The following CSMD3 variants were observed in gnomAD, a reference collection of about 807,000 sequenced individuals.
CSMD3 encodes CUB and Sushi multiple domains 3.
CSMD3 carries 177 observed loss-of-function variants against 435.2 expected under a neutral mutation model. The observed-to-expected ratio is 0.41, with a 90% confidence interval of 0.36 to 0.46. CSMD3 has a LOEUF of 0.46. Among genes scored for constraint, CSMD3 ranks in the 20% least tolerant of loss-of-function variants. CSMD3 has a pLI of 0.34. For synonymous variants in CSMD3, 1,656 were observed against 1,520.5 expected, an observed-to-expected ratio of 1.09 and a Z score of -2.07; for missense variants, 4,265 against 4,504.6, an observed-to-expected ratio of 0.95 and a Z score of 1.52.
At chr8:113,399,106 T>TATATATATATATATATATATACAC (rs773585004) in intron 1 of CSMD3, among the ~76,000 whole-genome samples, 2 of 95,096 alleles carry the variant, frequency 2.1e-5, no homozygotes, top group African/African-American at 4.5e-5. Flanking sequence ...TATATATATA[T>TATATATATATATATATATATACAC]ACACACACAC....
Position 112,494,568 on chromosome 8 carries a change from TTTC to T in CSMD3, c.5084-1888_5084-1886del, listed in dbSNP as rs1194643573. ...CTTTCTTTCTTTCTTTCTTTCTTTC[TTTC>T]TTTTCTTTCTTTCTCTCTACAAGTA... On this transcript the variant is annotated intron_variant, in intron 30 of 70. Coordinates refer to ENST00000297405, the MANE Select transcript of CSMD3 (RefSeq NM_198123.2). 1.5e-3 allele frequency among the ~76,000 whole-genome samples: 214 copies of T among 142,074 alleles called. 6 individuals carry two copies. Among genetic ancestry groups the T allele is most frequent in the African/African-American group, 5.3e-3 (200 of 37,788 alleles). The allele number at this position is 142,074 out of a possible 152,430, so 93.2% of individuals were successfully genotyped here.
chr8:112,880,866 G>A (rs1363335445), intron 10 of CSMD3, among the ~76,000 whole-genome samples: 2 of 151,932 alleles, frequency 1.3e-5, no homozygotes, highest in Non-Finnish European at 2.9e-5. Context: ...CTATATGCAA[G>A]ACTACAGGAA....
intron 28 of CSMD3, among the ~76,000 whole-genome samples, chr8:112,510,512 C>T (rs1440148045): frequency 6.6e-6 from 1 of 152,196 alleles, no homozygotes; most frequent in Non-Finnish European, 1.5e-5. Flanking sequence ...TTAGATTCAT[C>T]ACTGCCTCCA....
intron 32 of CSMD3, among the ~76,000 whole-genome samples, chr8:112,445,877 A>C (rs1390480346): frequency 7.2e-5 from 11 of 152,210 alleles, no homozygotes; most frequent in African/African-American, 2.4e-4. Flanking sequence ...TATACCACAA[A>C]AATGCACTTA....
At chr8:113,421,840 T>C (rs1428202553) in intron 1 of CSMD3, among the ~76,000 whole-genome samples, 1 of 152,170 alleles carries the variant, frequency 6.6e-6, no homozygotes, top group African/African-American at 2.4e-5. Context: ...CATGGAAAGA[T>C]TAACCACTAA....
chr8:112,574,769 G>A (rs138088401), intron 23 of CSMD3, among the ~76,000 whole-genome samples: 1,537 of 151,966 alleles, frequency 0.01, 15 homozygotes, highest in Non-Finnish European at 0.017. Context: ...TTTGTTTCAT[G>A]GAGTTTCATG....
chr8:112,442,324 G>A (rs563089661), intron 32 of CSMD3, among the ~76,000 whole-genome samples: 1 of 152,222 alleles, frequency 6.6e-6, no homozygotes, highest in Admixed American at 6.5e-5. Context: ...CATGAGATTT[G>A]AAGGAGACAA....
At chr8:112,781,485 T>C (rs1374005327) in intron 13 of CSMD3, among the ~76,000 whole-genome samples, 1 of 152,138 alleles carries the variant, frequency 6.6e-6, no homozygotes, top group Non-Finnish European at 1.5e-5. Context: ...AGATTCACCT[T>C]GGACCAGAAA....
rs1351372148 is a variant in CSMD3, at chr8:112,234,351, A to G, written c.10740+14T>C. On this transcript the variant is annotated intron_variant, in intron 68 of 70. Coordinates refer to ENST00000297405, the MANE Select transcript of CSMD3 (RefSeq NM_198123.2). Reference sequence around the variant, plus strand: ...ATTAAAATCAGCAGCAGATGTTAAAATAACTATACTTACAAAGCCATCCAT... The same window carrying G: ...ATTAAAATCAGCAGCAGATGTTAAAGTAACTATACTTACAAAGCCATCCAT... 5 of 1,511,124 alleles carry G rather than the reference A, an allele frequency of 3.3e-6. No homozygotes were observed. The South Asian group carries it at 5.6e-5, about 17-fold the overall frequency. The allele number at this position is 1,511,124 out of a possible 1,614,324, so 93.6% of individuals were successfully genotyped here.
At chr8:113,047,348 G>C (rs1202108419) in intron 5 of CSMD3, among the ~76,000 whole-genome samples, 1 of 152,322 alleles carries the variant, frequency 6.6e-6, no homozygotes, top group African/African-American at 2.4e-5. Context: ...CTGGCACAGA[G>C]AATGTGACTA....
At chr8:112,625,880 A>T (rs1214934323) in intron 22 of CSMD3, among the ~76,000 whole-genome samples, 1 of 152,118 alleles carries the variant, frequency 6.6e-6, no homozygotes, top group African/African-American at 2.4e-5. Context: ...ACTTACCTTG[A>T]CATTTTTGAT....
Position 112,410,628 on chromosome 8 carries a change from GTATATATATGTA to G in CSMD3, c.5396-1608_5396-1597del, listed in dbSNP as rs1832289933. ...TGTATATATATATGTATATATATGT[GTATATATATGTA>G]TATATATATGTGTATATATATGTAT... On this transcript the variant is annotated intron_variant, in intron 32 of 70. Coordinates refer to ENST00000297405, the MANE Select transcript of CSMD3 (RefSeq NM_198123.2). Among the ~76,000 whole-genome samples the G allele has an allele frequency of 4.3e-5, 3 of 69,960 alleles. No individual in the cohort carries two copies. In the South Asian group the frequency reaches 1.4e-3, roughly 32 times the overall value. 45.9% of individuals were successfully genotyped at this position (69,960 alleles called of 152,430 possible).
chr8:113,390,299 A>G (rs2094456238), intron 1 of CSMD3, among the ~76,000 whole-genome samples: 1 of 151,698 alleles, frequency 6.6e-6, no homozygotes, highest in Admixed American at 6.6e-5. Flanking sequence ...CAACATATCA[A>G]TGCCAAAACA....
intron 1 of CSMD3, among the ~76,000 whole-genome samples, chr8:113,351,107 T>C (rs1563732761): frequency 6.6e-6 from 1 of 152,138 alleles, no homozygotes; most frequent in Non-Finnish European, 1.5e-5. Context: ...GCTTCCTAAG[T>C]ACCAGGCAAT....
chr8:113,253,571 G>A lies in CSMD3; in HGVS notation c.514+25021C>T, dbSNP rs188289368. ...AGGAACCAAAACTTGGCTGGGCGTG[G>A]TGGCTCACGCTTGTAATCCCAGCAC... On this transcript the variant is annotated intron_variant, in intron 3 of 70. Transcript: ENST00000297405. Among the ~76,000 whole-genome samples, 609 of 152,062 alleles carry A rather than the reference G, an allele frequency of 4.0e-3. 3 individuals carry two copies. The highest frequency in any genetic ancestry group is 0.014 in the African/African-American group (577 of 41,462).
At chr8:112,324,598 T>TGG (rs1380364998) in intron 45 of CSMD3, among the ~76,000 whole-genome samples, 1 of 151,754 alleles carries the variant, frequency 6.6e-6, no homozygotes, top group African/African-American at 2.4e-5. Flanking sequence ...TGTGTGTGTG[T>TGG]GTGTTTTCTG....
chr8:113,327,555 T>C (rs976405299), intron 1 of CSMD3, among the ~76,000 whole-genome samples: 47 of 152,186 alleles, frequency 3.1e-4, no homozygotes, highest in African/African-American at 1.0e-3. Context: ...CAGCCTCCCA[T>C]CCCTGGTAGC....
At chr8:112,637,038 G>T (rs759311344) in intron 21 of CSMD3, 33 bp from the exon 22 acceptor site, 2 of 1,551,418 alleles carry the variant, frequency 1.3e-6, no homozygotes, top group Non-Finnish European at 1.8e-6. Flanking sequence ...TCCCCGCGGG[G>T]GAGGAAAGGA....
intron 32 of CSMD3, among the ~76,000 whole-genome samples, chr8:112,465,341 T>C (rs550601310): frequency 2.9e-4 from 44 of 152,284 alleles, no homozygotes; most frequent in African/African-American, 1.0e-3. Flanking sequence ...GAATCATATG[T>C]TCTGTTTAGT....
Sources: gnomAD v4.1 joint callset for allele counts (sites outside exome capture counted in the v4.1 genomes callset) on GRCh38, gnomAD v4.1.1 for gene constraint, MANE v1.5 for transcripts, NCBI Gene and HGNC (gene_info 2026-07-23, HGNC 2026-07-21) for gene names.